The following HTT variants were observed in gnomAD, a reference collection of about 807,000 sequenced individuals.
HTT encodes huntingtin, also known as huntington disease protein.
Under a neutral mutation model 362.3 loss-of-function variants are expected in HTT, and 104 were observed. That is an observed-to-expected ratio of 0.29 (90% CI 0.24 to 0.34). The LOEUF is 0.34. Among genes scored for constraint, HTT ranks in the 10% least tolerant of loss-of-function variants. The probability of loss-of-function intolerance (pLI) is 1.00; values close to 1 mark genes in which losing one functional copy is unlikely to be tolerated. For synonymous variants in HTT, 1,577 were observed against 1,548.7 expected (o/e 1.02, Z -0.43); for missense variants, 3,301 against 3,928.6 (o/e 0.84, Z 4.27).
At chr4:3,223,884 G>A in intron 55 of HTT, 108 bp from the exon 56 acceptor site, 1 of 1,138,060 alleles carries the variant, frequency 8.8e-7, no homozygotes, top group Non-Finnish European at 1.3e-6. Flanking sequence ...GTTTCATTTG[G>A]TATTACACCA....
chr4:3,111,130 G>A (rs1212153944), intron 6 of HTT, among the ~76,000 whole-genome samples: 1 of 151,584 alleles, frequency 6.6e-6, no homozygotes, highest in African/African-American at 2.4e-5. Flanking sequence ...CAGCTGTTCT[G>A]CCTCACCCTC....
chr4:3,129,042 C>T (rs2110186281), intron 12 of HTT: 1 of 152,326 alleles, frequency 6.6e-6, no homozygotes, highest in African/African-American at 2.4e-5. Context: ...TTTTACTTAG[C>T]ATAATGTCCC....
intron 6 of HTT, among the ~76,000 whole-genome samples, chr4:3,111,443 C>T (rs1376562422): frequency 6.6e-6 from 1 of 152,192 alleles, no homozygotes; most frequent in Non-Finnish European, 1.5e-5. Flanking sequence ...ATCCGCCTGC[C>T]TTGGCCTCCG....
chr4:3,152,288 C>CG (rs1716934256), intron 26 of HTT, among the ~76,000 whole-genome samples: 1 of 151,948 alleles, frequency 6.6e-6, no homozygotes. Context: ...TTAGTAGAGA[C>CG]GGGGTTTCAC....
At chr4:3,213,874 G>T in intron 49 of HTT, 84 bp from the exon 50 acceptor site, 2 of 1,310,936 alleles carry the variant, frequency 1.5e-6, no homozygotes, top group Non-Finnish European at 2.0e-6. Flanking sequence ...CAGTGCTTTG[G>T]ACGGTTCCAC....
At chr4:3,186,458 A>T in intron 37 of HTT, 139 bp from the exon 38 acceptor site, 1 of 888,530 alleles carries the variant, frequency 1.1e-6, no homozygotes, top group East Asian at 2.6e-5. Context: ...TTCACCACTG[A>T]ACTTAAAATG....
At chr4:3,103,079 A>G (rs950260996) in intron 3 of HTT, among the ~76,000 whole-genome samples, 2 of 151,636 alleles carry the variant, frequency 1.3e-5, no homozygotes, top group African/African-American at 2.4e-5. Flanking sequence ...TTATAAGTAC[A>G]CCCACAGTGC....
intron 53 of HTT, among the ~76,000 whole-genome samples, chr4:3,221,011 CT>C (rs1720648518): frequency 2.6e-5 from 4 of 152,158 alleles, no homozygotes; most frequent in African/African-American, 7.2e-5. Context: ...ACTTTTGCCC[CT>C]ATTTGATGGC....
At chr4:3,220,356 G>A (rs772142692) in intron 53 of HTT, 48 bp downstream of exon 53, 25 of 1,588,818 alleles carry the variant, frequency 1.6e-5, no homozygotes, top group African/African-American at 4.0e-5. Context: ...GACATCTACC[G>A]GGAGGAAATC....
At chr4:3,086,238 G>A (rs189123115) in intron 1 of HTT, among the ~76,000 whole-genome samples, 143 of 152,324 alleles carry the variant, frequency 9.4e-4, no homozygotes, top group African/African-American at 2.9e-3. Context: ...TGATTCAAAC[G>A]TGAAATTGAT....
At chr4:3,083,151 A>C (rs1003145653) in intron 1 of HTT, among the ~76,000 whole-genome samples, 1 of 152,144 alleles carries the variant, frequency 6.6e-6, no homozygotes, top group African/African-American at 2.4e-5. Flanking sequence ...GCGAGAGATG[A>C]GAGGTTAGAG....
At chr4:3,094,120 T>G (rs908282970) in intron 2 of HTT, among the ~76,000 whole-genome samples, 1 of 151,850 alleles carries the variant, frequency 6.6e-6, no homozygotes, top group African/African-American at 2.4e-5. Context: ...GTGATGACTC[T>G]TAACGAGTAT....
chr4:3,104,435 CCTGT>C (rs1388061683), intron 4 of HTT, among the ~76,000 whole-genome samples: 2 of 151,268 alleles, frequency 1.3e-5, no homozygotes, highest in Non-Finnish European at 3.0e-5. Flanking sequence ...ATGGAGAAAC[CCTGT>C]CTCTACTAAA....
chr4:3,160,255 G>A (rs1467321348), intron 28 of HTT, 27 bp from the exon 29 acceptor site: 55 of 1,401,270 alleles, frequency 3.9e-5, no homozygotes, highest in Admixed American at 1.6e-4. Context: ...GCCAGTAACC[G>A]TGTGTTCTCT....
At chr4:3,163,188 T>C (rs570942358) in intron 29 of HTT, among the ~76,000 whole-genome samples, 4 of 152,342 alleles carry the variant, frequency 2.6e-5, no homozygotes, top group African/African-American at 9.6e-5. Flanking sequence ...GATAATCATA[T>C]GGTTTTTGTT....
chr4:3,079,780 C>A (rs933221275), intron 1 of HTT, among the ~76,000 whole-genome samples: 4 of 152,156 alleles, frequency 2.6e-5, no homozygotes, highest in Admixed American at 2.0e-4. Context: ...AAGGGGAACA[C>A]CGGCAAAAGC....
Position 3,107,443 on chromosome 4 carries a change from T to C in HTT, c.747+20T>C, listed in dbSNP as rs1380723396. ...ATTAAGGTATGATTGTTGCCTCAGGTCACAAACATGCGAGTGATGCTGTGA... is the reference window on the plus strand; with the variant it reads ...ATTAAGGTATGATTGTTGCCTCAGGCCACAAACATGCGAGTGATGCTGTGA... On this transcript the variant is annotated intron_variant, in intron 6 of 66. Coordinates refer to ENST00000355072, the MANE Select transcript of HTT (RefSeq NM_001388492.1). 1.9e-6 allele frequency: 3 copies of C among 1,613,432 alleles called. No homozygotes were observed. The highest frequency in any genetic ancestry group is 2.7e-5 in the African/African-American group (2 of 74,894).
chr4:3,130,802 C>T (rs1177034097), intron 14 of HTT, among the ~76,000 whole-genome samples: 1 of 152,164 alleles, frequency 6.6e-6, no homozygotes, highest in African/African-American at 2.4e-5. Flanking sequence ...TAACTGTCTT[C>T]ACTTTTAATT....
chr4:3,083,727 T>C (rs1220942840), intron 1 of HTT, among the ~76,000 whole-genome samples: 1 of 152,110 alleles, frequency 6.6e-6, no homozygotes, highest in African/African-American at 2.4e-5. Flanking sequence ...AGTTTGGCAG[T>C]TTGTCATAAA....
Sources: allele counts gnomAD v4.1 joint callset (sites outside exome capture counted in the v4.1 genomes callset), GRCh38; gene constraint gnomAD v4.1.1; transcripts MANE v1.5; gene names NCBI Gene and HGNC (gene_info 2026-07-23, HGNC 2026-07-21).